The following ZNF462 variants were observed in gnomAD, a reference collection of about 807,000 sequenced individuals.
The protein encoded by ZNF462 is zinc finger protein 462, also known as zinc finger PBX1-interacting protein.
ZNF462 carries 10 observed loss-of-function variants against 201.9 expected under a neutral mutation model. The ratio of observed to expected loss-of-function variants is 0.05; its 90% CI spans 0.03 to 0.08. The LOEUF (loss-of-function observed/expected upper bound fraction) is 0.08, where lower values mean the gene tolerates loss of function less well. Among genes scored for constraint, ZNF462 ranks in the 10% least tolerant of loss-of-function variants. The pLI, the probability that ZNF462 is intolerant of heterozygous loss-of-function variation, is 1.00. For missense variants in ZNF462, 2,523 were observed against 3,168.3 expected (o/e 0.80, Z 4.89); for synonymous variants, 1,227 against 1,193.3 (o/e 1.03, Z -0.58).
intron 10 of ZNF462, among the ~76,000 whole-genome samples, chr9:106,986,566 A>G (rs1377579487): frequency 6.6e-6 from 1 of 152,162 alleles, no homozygotes; most frequent in Non-Finnish European, 1.5e-5. Flanking sequence ...AAGACCTAAA[A>G]CATATTACAA....
chr9:106,877,296 ATTTTTTTTTT>A (rs397893311), intron 1 of ZNF462, among the ~76,000 whole-genome samples: 2 of 91,218 alleles, frequency 2.2e-5, no homozygotes, highest in East Asian at 3.5e-4. Context: ...ACTACTCATG[ATTTTTTTTTT>A]TTTTTTTTTT....
Position 106,928,282 on chromosome 9 carries a change from A to G in ZNF462, c.4370A>G (p.Gln1457Arg), listed in dbSNP as rs1332307585. 4.3e-6 allele frequency: 7 copies of G among 1,613,934 alleles called. No homozygotes were observed. The highest frequency in any genetic ancestry group is 5.9e-6 in the Non-Finnish European group (7 of 1,179,958). ...DARLSPEKSL[Q>R]LASANPAISS... ...AGACTGTCCCCTGAGAAAAGCCTGC[A>G]GCTAGCTTCAGCCAACCCCGCCATA... Residue 1457 changes from glutamine to arginine, a missense_variant, in exon 3 of 13, where the codon CAG becomes CGG. Around this residue, in one of 15 missense-constraint regions of ZNF462, gnomAD observed 165 missense variants for 142.6 expected, o/e 1.16. Coordinates refer to ENST00000277225, the MANE Select transcript of ZNF462 (RefSeq NM_021224.6). The surrounding 1 kb of genome is among the most constrained non-coding windows in gnomAD (Gnocchi z 9.3).
chr9:106,992,711 G>A (rs1166392084), intron 10 of ZNF462, among the ~76,000 whole-genome samples: 1 of 152,064 alleles, frequency 6.6e-6, no homozygotes. Context: ...GAGGTTACTT[G>A]GGCCTGGAAG....
chr9:106,996,501 C>A (rs997472929), intron 10 of ZNF462, among the ~76,000 whole-genome samples: 16 of 152,130 alleles, frequency 1.1e-4, no homozygotes, highest in African/African-American at 3.9e-4. Flanking sequence ...TTAATGATCG[C>A]CATTCTAACT....
rs1394548810 is a variant in ZNF462, at chr9:106,919,846, T to G, written c.-30-3508T>G. 6.6e-6 allele frequency among the ~76,000 whole-genome samples: 1 copy of G among 152,210 alleles called. No individual in the cohort carries two copies. Among genetic ancestry groups the G allele is most frequent in the Non-Finnish European group, 1.5e-5 (1 of 68,034 alleles). On this transcript the variant is annotated intron_variant, in intron 1 of 12. Coordinates refer to ENST00000277225, the MANE Select transcript of ZNF462 (RefSeq NM_021224.6). The surrounding 1 kb of genome is among the most constrained non-coding windows in gnomAD (Gnocchi z 4.5). ...TGACCTTGAAGGGCCTAGACATATATCTGGGGTAGAAGACAGGGATGCTTG... is the reference window on the plus strand; with the variant it reads ...TGACCTTGAAGGGCCTAGACATATAGCTGGGGTAGAAGACAGGGATGCTTG...
chr9:106,934,863 C>G (rs989266170), intron 5 of ZNF462, among the ~76,000 whole-genome samples: 2 of 152,100 alleles, frequency 1.3e-5, no homozygotes, highest in Admixed American at 6.5e-5. Flanking sequence ...GGAAGACTTA[C>G]AGCAAACATG....
At position 106,984,464 on chromosome 9, in the gene ZNF462, G is replaced by A. The variant is rs1258892249; in HGVS notation, c.7056+55G>A. The A allele has an allele frequency of 1.4e-6, 2 of 1,419,940 alleles. No homozygotes were observed. The highest frequency in any genetic ancestry group is 2.8e-5 in the African/African-American group (2 of 70,542). 88.0% of individuals were successfully genotyped at this position (1,419,940 alleles called of 1,614,324 possible). On this transcript the variant is annotated intron_variant, in intron 10 of 12. Transcript: ENST00000277225. This position sits in a 1 kb window ranked among gnomAD's most constrained non-coding sequence, Gnocchi z 6.4. ...CAGCACACTTGTGGGGAGGGGCCAA[G>A]GGGGAGACACCACTGCATTTAGTCA...
At chr9:106,998,383 A>G (rs1210191531) in intron 10 of ZNF462, among the ~76,000 whole-genome samples, 1 of 152,166 alleles carries the variant, frequency 6.6e-6, no homozygotes, top group East Asian at 1.9e-4. Flanking sequence ...TCCTAGTACA[A>G]TATGAAAATG....
chr9:106,974,771 A>G lies in ZNF462; in HGVS notation c.6832+498A>G, dbSNP rs1826870444. Reference sequence around the variant, plus strand: ...ATAATGTATATTATACATTCTAATAATAGTCTCTATTATATATTCTAATAA... The same window carrying G: ...ATAATGTATATTATACATTCTAATAGTAGTCTCTATTATATATTCTAATAA... On this transcript the variant is annotated intron_variant, in intron 9 of 12. Coordinates refer to ENST00000277225, the MANE Select transcript of ZNF462 (RefSeq NM_021224.6). The surrounding 1 kb of genome is among the most constrained non-coding windows in gnomAD (Gnocchi z 4.0). 5.8e-6 allele frequency: 1 copy of G among 171,862 alleles called. No homozygotes were observed. The highest frequency in any genetic ancestry group is 1.3e-4 in the South Asian group (1 of 7,452). 10.6% of individuals were successfully genotyped at this position (171,862 alleles called of 1,614,324 possible).
chr9:106,926,599 C>T lies in ZNF462; in HGVS notation c.2687C>T (p.Thr896Ile). ...TGCCTGGAATGCTACATCGATTACA[C>T]CAACTTCGAAGATCTCCAGCAGCAT... ...YRCLECYIDY[T>I]NFEDLQQHYG... Residue 896 changes from threonine to isoleucine, a missense_variant, in exon 3 of 13, where the codon ACC becomes ATC. Physicochemically the swap from Thr to Ile is moderately conservative, Grantham distance 89. Around this residue, in one of 15 missense-constraint regions of ZNF462, gnomAD observed 280 missense variants for 321.3 expected, o/e 0.87. Coordinates refer to ENST00000277225, the MANE Select transcript of ZNF462 (RefSeq NM_021224.6). The surrounding 1 kb of genome is among the most constrained non-coding windows in gnomAD (Gnocchi z 7.9). 1 of 1,614,126 alleles carries T rather than the reference C, an allele frequency of 6.2e-7. No individual in the cohort carries two copies. The highest frequency in any genetic ancestry group is 1.3e-5 in the African/African-American group (1 of 75,000).
At position 107,010,584 on chromosome 9, in the gene ZNF462, A is replaced by T. The variant is rs1404344365; in HGVS notation, c.7314-239A>T. On this transcript the variant is annotated intron_variant, in intron 12 of 12. Coordinates refer to ENST00000277225, the MANE Select transcript of ZNF462 (RefSeq NM_021224.6). The surrounding 1 kb of genome is among the most constrained non-coding windows in gnomAD (Gnocchi z 4.6). The stretch of plus-strand genomic sequence containing the variant: ...GGGATAATCAATATATAGTATAATA[A>T]TGGATACTTCTGTAAGTTCAAATCT... Among the ~76,000 whole-genome samples the T allele has an allele frequency of 6.6e-6, 1 of 152,154 alleles. No homozygotes were observed. The highest frequency in any genetic ancestry group is 2.4e-5 in the African/African-American group (1 of 41,442).
chr9:107,011,265 A>T lies in ZNF462; in HGVS notation c.*235A>T, dbSNP rs1829910973. 1 of 481,488 alleles carries T rather than the reference A, an allele frequency of 2.1e-6. No homozygotes were observed. The highest frequency in any genetic ancestry group is 2.3e-5 in the South Asian group (1 of 44,128). 29.8% of individuals were successfully genotyped at this position (481,488 alleles called of 1,614,324 possible). ...TCCATCACTACATCTTTTCTTCCGG[A>T]TCTTCATCATGGAAGTTTCATTTGT... is the stretch of plus-strand genomic sequence containing the variant. On this transcript the variant is annotated 3_prime_UTR_variant, in exon 13 of 13. Coordinates refer to ENST00000277225, the MANE Select transcript of ZNF462 (RefSeq NM_021224.6). This position sits in a 1 kb window ranked among gnomAD's most constrained non-coding sequence, Gnocchi z 5.6.
chr9:106,861,952 G>A (rs1827079625), upstream of ZNF462, among the ~76,000 whole-genome samples: 1 of 152,156 alleles, frequency 6.6e-6, no homozygotes, highest in Non-Finnish European at 1.5e-5. Context: ...GGGCTGGAGG[G>A]TGTAAAGTTA....
intron 1 of ZNF462, among the ~76,000 whole-genome samples, chr9:106,889,842 T>C (rs149845911): frequency 3.2e-4 from 48 of 152,350 alleles, no homozygotes; most frequent in African/African-American, 1.0e-3. Context: ...ATTTGGCTTA[T>C]GTACTATCTT....
intron 1 of ZNF462, among the ~76,000 whole-genome samples, chr9:106,914,217 A>T (rs1293783005): frequency 7.2e-6 from 1 of 139,072 alleles, no homozygotes; most frequent in Non-Finnish European, 1.7e-5. Context: ...CCCAGCCAGG[A>T]CCCCATAAAG....
In ZNF462 at chr9:106,974,240, C is replaced by G; in HGVS notation, c.6799C>G (p.Arg2267Gly). ...CTGCCTCTATCACACCAAATACAAG[C>G]GCAACATGATTGACCACATCGTGCT... Reference protein sequence around the residue: ...PLCLYHTKYKRNMIDHIVLHR... With the variant: ...PLCLYHTKYKGNMIDHIVLHR... Residue 2267 changes from arginine (R) to glycine (G), a missense_variant, in exon 9 of 13, where the codon CGC (arginine) becomes GGC (glycine). Physicochemically the swap from Arg to Gly is moderately radical, Grantham distance 125. This residue lies in a region of ZNF462 where 228 missense variants were observed against 361.2 expected (regional missense o/e 0.63). Transcript: ENST00000277225. This position sits in a 1 kb window ranked among gnomAD's most constrained non-coding sequence, Gnocchi z 4.0. 1 of 1,614,100 alleles carries G rather than the reference C, an allele frequency of 6.2e-7. No homozygotes were observed. Among genetic ancestry groups the G allele is most frequent in the South Asian group, 1.1e-5 (1 of 91,080 alleles).
At chr9:106,969,627 A>G (rs1826483634) in intron 7 of ZNF462, among the ~76,000 whole-genome samples, 1 of 152,136 alleles carries the variant, frequency 6.6e-6, no homozygotes, top group Non-Finnish European at 1.5e-5. Flanking sequence ...GATGTCAGGT[A>G]CCTGGTATCT....
At chr9:106,983,678 A>G (rs762952663) in intron 9 of ZNF462, among the ~76,000 whole-genome samples, 1 of 152,180 alleles carries the variant, frequency 6.6e-6, no homozygotes, top group Non-Finnish European at 1.5e-5. Context: ...CTTATTTGTA[A>G]AAATGAGAGT....
In ZNF462 at chr9:106,863,233, A is replaced by T. The variant is rs1221998044; in HGVS notation, c.-153A>T. 5.0e-6 allele frequency: 2 copies of T among 399,282 alleles called. No homozygotes were observed. 24.7% of individuals were successfully genotyped at this position (399,282 alleles called of 1,614,324 possible). On this transcript the variant is annotated 5_prime_UTR_variant, in exon 1 of 13. An upstream start codon of the reference 5' UTR is lost. Coordinates refer to ENST00000277225, the MANE Select transcript of ZNF462 (RefSeq NM_021224.6). ...CATTGCTGAGACCCGGCAGAAGCAC[A>T]TGAGACTCCCAAACAACTTCCACAA...
Sources: gnomAD v4.1 joint callset for allele counts (sites outside exome capture counted in the v4.1 genomes callset) on GRCh38, gnomAD v4.1.1 for gene constraint, gnomAD v4.1.1 regional missense constraint, Gnocchi (gnomAD v3.1) non-coding constraint, MANE v1.5 for transcripts, NCBI Gene and HGNC (gene_info 2026-07-23, HGNC 2026-07-21) for gene names.